C16orf96: variants seen among roughly 807,000 people sequenced by gnomAD.
C16orf96 encodes the protein chromosome 16 open reading frame 96.
Under a neutral mutation model 103.6 loss-of-function variants are expected in C16orf96, and 108 were observed. The observed-to-expected ratio is 1.04, with a 90% CI of 0.89 to 1.22. The LOEUF (loss-of-function observed/expected upper bound fraction) is 1.22, where lower values mean the gene tolerates loss of function less well. Ranked by LOEUF, C16orf96 falls within the 50% of genes most tolerant of loss-of-function variation. The probability of loss-of-function intolerance (pLI) is 0.00; values close to 1 mark genes in which losing one functional copy is unlikely to be tolerated. For synonymous variants in C16orf96, 566 were observed against 593.5 expected (o/e 0.95, Z 0.67); for missense variants, 1,586 against 1,464.2 (o/e 1.08, Z -1.36).
In C16orf96 at chr16:4,556,350, C is replaced by G; in HGVS notation, c.-140C>G. On this transcript the variant is annotated 5_prime_UTR_variant, in exon 1 of 16. Coordinates refer to ENST00000444310, the MANE Select transcript of C16orf96 (RefSeq NM_001145011.2). ...ATCTGAGCTCCAGCCAGAACAGAGG[C>G]CATTCCTCCCTGACTGCTGTGACTC... The G allele has an allele frequency of 2.5e-6, 2 of 791,908 alleles. No homozygotes were observed. The highest frequency in any genetic ancestry group is 2.9e-5 in the Admixed American group (1 of 33,994). The allele number at this position is 791,908 out of a possible 1,614,324, so 49.1% of individuals were successfully genotyped here.
Position 4,593,324 on chromosome 16 carries a change from G to A in C16orf96, c.2867+8G>A. On this transcript the variant is annotated splice_region_variant and intron_variant, in intron 12 of 15. Coordinates refer to ENST00000444310, the MANE Select transcript of C16orf96 (RefSeq NM_001145011.2). This position sits in a 1 kb window ranked among gnomAD's most constrained non-coding sequence, Gnocchi z 4.2. ...GCAGCGGCAACAGATGAGGTGAGCAGGATGGGCGCCCCGCAGGGAGGCCGC... is the reference window on the plus strand; with the variant it reads ...GCAGCGGCAACAGATGAGGTGAGCAAGATGGGCGCCCCGCAGGGAGGCCGC... The A allele has an allele frequency of 6.5e-7, 1 of 1,549,982 alleles. No homozygotes were observed. Among genetic ancestry groups the A allele is most frequent in the Non-Finnish European group, 8.7e-7 (1 of 1,146,616 alleles).
At chr16:4,597,809 A>G (rs6500620) in intron 14 of C16orf96, among the ~76,000 whole-genome samples, 135,552 of 152,200 alleles carry the variant, frequency 0.89, 61,548 homozygotes, top group East Asian at 1. Flanking sequence ...CACCTGTCTC[A>G]GCCTCCCAAA....
chr16:4,539,980 C>T, the C16orf96 span, among the ~76,000 whole-genome samples: 3 of 152,192 alleles, frequency 2.0e-5, no homozygotes, highest in African/African-American at 7.2e-5. Context: ...CCTTTAAAAA[C>T]TCTAGGCTCT....
At chr16:4,579,284 G>A (rs2059553574) in intron 6 of C16orf96, among the ~76,000 whole-genome samples, 1 of 152,092 alleles carries the variant, frequency 6.6e-6, no homozygotes, top group Non-Finnish European at 1.5e-5. Flanking sequence ...CCGGTGCGGT[G>A]GCTCATACCT....
rs1181460990 is a variant in C16orf96, at chr16:4,575,296, A to C, written c.816A>C (p.Gln272His). The C allele has an allele frequency of 6.4e-7, 1 of 1,551,044 alleles. No homozygotes were observed. The highest frequency in any genetic ancestry group is 2.4e-5 in the East Asian group (1 of 40,928). Residue 272 changes from glutamine (Q) to histidine (H), a missense_variant, in exon 5 of 16, where the codon CAA becomes CAC. Transcript: ENST00000444310. Reference protein sequence around the residue: ...TRAIQVSEPVQNPQLLQTVWH... With the variant: ...TRAIQVSEPVHNPQLLQTVWH... Reference sequence around the variant, plus strand: ...CCATCCAGGTCTCCGAGCCCGTCCAAAACCCCCAGCTACTGCAGACTGTCT... The same window carrying C: ...CCATCCAGGTCTCCGAGCCCGTCCACAACCCCCAGCTACTGCAGACTGTCT...
upstream of C16orf96, among the ~76,000 whole-genome samples, chr16:4,555,639 G>A (rs1052040441): frequency 6.6e-6 from 1 of 151,494 alleles, no homozygotes; most frequent in African/African-American, 2.4e-5. Context: ...CCAGAGTGCT[G>A]GGATTACATA....
At chr16:4,554,469 G>A (rs1389025223), upstream of C16orf96, among the ~76,000 whole-genome samples, 3 of 151,664 alleles carry the variant, frequency 2.0e-5, no homozygotes, top group African/African-American at 7.3e-5. Flanking sequence ...TTCTGCCTCA[G>A]CCTCCCGAGT....
At position 4,580,029 on chromosome 16, in the gene C16orf96, G is replaced by A; in HGVS notation, c.2256G>A (p.Glu752=). The change falls in exon 7 of 16, where the codon GAG becomes GAA. Residue 752 remains glutamate (E), a synonymous_variant. Coordinates refer to ENST00000444310, the MANE Select transcript of C16orf96 (RefSeq NM_001145011.2). ...QKSRLKEEEL[E]RIWGNQIEMM... Reference sequence around the variant, plus strand: ...CCCCCTTTTAGGAGGAAGAACTTGAGAGAATTTGGGGCAACCAAATAGAGA... The same window carrying A: ...CCCCCTTTTAGGAGGAAGAACTTGAAAGAATTTGGGGCAACCAAATAGAGA... The A allele has an allele frequency of 6.4e-7, 1 of 1,551,292 alleles. No homozygotes were observed. Among genetic ancestry groups the A allele is most frequent in the South Asian group, 1.2e-5 (1 of 84,046 alleles).
chr16:4,545,106 G>T, the C16orf96 span, among the ~76,000 whole-genome samples: 5 of 152,088 alleles, frequency 3.3e-5, no homozygotes, highest in African/African-American at 4.8e-5. Flanking sequence ...CCAGACATTA[G>T]TTGGGTGCTC....
At chr16:4,552,211 G>A (rs1437065433), upstream of C16orf96, among the ~76,000 whole-genome samples, 2 of 152,122 alleles carry the variant, frequency 1.3e-5, no homozygotes. Context: ...GCCGGGCGCG[G>A]TGGCTCACGC....
the C16orf96 span, among the ~76,000 whole-genome samples, chr16:4,543,274 A>C: frequency 2.6e-5 from 4 of 152,122 alleles, no homozygotes; most frequent in East Asian, 7.7e-4. Context: ...AGTTGCAGAG[A>C]AATGAAACAC....
At chr16:4,592,097 C>G (rs1282356961) in intron 10 of C16orf96, among the ~76,000 whole-genome samples, 3 of 152,234 alleles carry the variant, frequency 2.0e-5, no homozygotes. Flanking sequence ...TGTCCTCAGA[C>G]CACCCCTCAC....
At chr16:4,566,347 C>G (rs1212617625) in intron 1 of C16orf96, among the ~76,000 whole-genome samples, 1 of 152,196 alleles carries the variant, frequency 6.6e-6, no homozygotes, top group Admixed American at 6.6e-5. Context: ...CACTTAGTAT[C>G]TGACTTTCGC....
chr16:4,590,322 G>A (rs1817899972), intron 9 of C16orf96, among the ~76,000 whole-genome samples: 2 of 151,918 alleles, frequency 1.3e-5, no homozygotes, highest in Non-Finnish European at 2.9e-5. Flanking sequence ...ACTTTGAGAG[G>A]CAGAGATGGG....
intron 11 of C16orf96, 134 bp downstream of exon 11, chr16:4,592,501 C>T: frequency 9.8e-7 from 1 of 1,023,786 alleles, no homozygotes; most frequent in Non-Finnish European, 1.5e-6. Flanking sequence ...TTCTCTCCAG[C>T]CATCAAGTCC....
upstream of C16orf96, among the ~76,000 whole-genome samples, chr16:4,555,730 C>G (rs1252192913): frequency 4.8e-5 from 7 of 147,110 alleles, no homozygotes; most frequent in African/African-American, 1.8e-4. Flanking sequence ...CAAGGTCTCA[C>G]TCTGTTGCCC....
chr16:4,583,776 T>A (rs1453835685), intron 7 of C16orf96, among the ~76,000 whole-genome samples: 1 of 151,352 alleles, frequency 6.6e-6, no homozygotes, highest in Non-Finnish European at 1.5e-5. Flanking sequence ...TACAAAAAAA[T>A]TAGCCAGGCG....
Position 4,556,343 on chromosome 16 carries a change from AC to A in C16orf96, c.-146del. ...GACTCTGATCTGAGCTCCAGCCAGA[AC>A]AGAGGCCATTCCTCCCTGACTGCTG... is the stretch of plus-strand genomic sequence containing the variant. On this transcript the variant is annotated 5_prime_UTR_variant, in exon 1 of 16. Transcript: ENST00000444310. 2.7e-6 allele frequency: 2 copies of A among 754,222 alleles called. No homozygotes were observed. The highest frequency in any genetic ancestry group is 4.1e-6 in the Non-Finnish European group (2 of 485,726). 46.7% of individuals were successfully genotyped at this position (754,222 alleles called of 1,614,324 possible).
In C16orf96 at chr16:4,599,176, G is replaced by C. The variant is rs191900490; in HGVS notation, c.3128-108G>C. 7,727 of 876,628 alleles carry C rather than the reference G, an allele frequency of 8.8e-3. 65 individuals carry two copies. Among genetic ancestry groups the C allele is most frequent in the Middle Eastern group, 0.034 (155 of 4,574 alleles). The allele number at this position is 876,628 out of a possible 1,614,324, so 54.3% of individuals were successfully genotyped here. ...TAAAGGAATGGACCGGGGAGCCTGG[G>C]AAATGGGGTTGGTCCCACCAGAGGG... is the stretch of plus-strand genomic sequence containing the variant. On this transcript the variant is annotated intron_variant, in intron 14 of 15. Transcript: ENST00000444310.
Sources: allele counts gnomAD v4.1 joint callset (sites outside exome capture counted in the v4.1 genomes callset), GRCh38; gene constraint gnomAD v4.1.1; non-coding constraint Gnocchi (gnomAD v3.1); transcripts MANE v1.5; gene names NCBI Gene and HGNC (gene_info 2026-07-23, HGNC 2026-07-21).